Variants in ZBBX observed in about 807,000 individuals in gnomAD.
ZBBX encodes zinc finger B-box domain-containing protein 1.
ZBBX carries 101 observed loss-of-function variants against 108.5 expected under a neutral mutation model. That is an observed-to-expected ratio of 0.93 (90% confidence interval 0.79 to 1.10). The LOEUF (loss-of-function observed/expected upper bound fraction) is 1.10, where lower values mean the gene tolerates loss of function less well. ZBBX is among the 50% of genes least tolerant of loss of function. The pLI, the probability that ZBBX is intolerant of heterozygous loss-of-function variation, is 0.00. For missense variants in ZBBX, 1,009 were observed against 941.4 expected, an observed-to-expected ratio of 1.07 and a Z score of -0.94; for synonymous variants, 356 against 323.4, an observed-to-expected ratio of 1.10 and a Z score of -1.08.
At chr3:167,251,925 A>AACACAC (rs3221849) in intron 20 of ZBBX, among the ~76,000 whole-genome samples, 11,700 of 143,680 alleles carry the variant, frequency 0.081, 471 homozygotes, top group Admixed American at 0.098. Flanking sequence ...TTGTGCCTGC[A>AACACAC]ACACACACAC....
intron 17 of ZBBX, among the ~76,000 whole-genome samples, chr3:167,303,077 G>A (rs1733001520): frequency 6.6e-6 from 1 of 151,948 alleles, no homozygotes. Context: ...CAAAAGATGT[G>A]CAAAAAAACA....
At chr3:167,315,903 G>T in intron 14 of ZBBX, 74 bp from the exon 15 acceptor site, 1 of 867,208 alleles carries the variant, frequency 1.2e-6, no homozygotes, top group Non-Finnish European at 1.8e-6. Flanking sequence ...TTACTTATGG[G>T]TGATATTTGG....
the ZBBX span, among the ~76,000 whole-genome samples, chr3:167,186,613 C>T: frequency 2.6e-5 from 4 of 152,228 alleles, no homozygotes; most frequent in Admixed American, 6.5e-5. Flanking sequence ...TCCTTTGCTT[C>T]AGAAGGACAT....
intron 11 of ZBBX, among the ~76,000 whole-genome samples, chr3:167,324,645 T>G (rs552571969): frequency 3.9e-5 from 6 of 152,274 alleles, no homozygotes; most frequent in Admixed American, 3.9e-4. Context: ...CTACTCCTCC[T>G]TGACCCTTAC....
At chr3:167,330,945 T>TCTCTCTCTCTCTCTC (rs1738465561) in intron 10 of ZBBX, among the ~76,000 whole-genome samples, 1 of 87,170 alleles carries the variant, frequency 1.1e-5, no homozygotes, top group Non-Finnish European at 2.2e-5. Flanking sequence ...CTCTCTTTCT[T>TCTCTCTCTCTCTCTC]TCTCTCTCTC....
the ZBBX span, among the ~76,000 whole-genome samples, chr3:167,226,391 T>A: frequency 6.6e-6 from 1 of 151,752 alleles, no homozygotes; most frequent in Non-Finnish European, 1.5e-5. Context: ...TGACATGCTG[T>A]CCCTCCCCTT....
At chr3:167,337,166 C>G (rs541884378) in intron 9 of ZBBX, among the ~76,000 whole-genome samples, 1 of 152,058 alleles carries the variant, frequency 6.6e-6, no homozygotes, top group Non-Finnish European at 1.5e-5. Context: ...ATTCGAAGTT[C>G]ATTTATTGCC....
chr3:167,393,884 C>T (rs952926162), intron 1 of ZBBX, among the ~76,000 whole-genome samples: 3 of 151,766 alleles, frequency 2.0e-5, no homozygotes, highest in Admixed American at 6.6e-5. Flanking sequence ...ACATGTTTCA[C>T]ATTTTATATC....
rs142556729 is a variant in ZBBX, at chr3:167,300,231, T to C, written c.1726-1773A>G. Among the ~76,000 whole-genome samples, 576 of 152,252 alleles carry C rather than the reference T, an allele frequency of 3.8e-3. 5 individuals carry two copies. Among genetic ancestry groups the C allele is most frequent in the African/African-American group, 0.013 (542 of 41,560 alleles). On this transcript the variant is annotated intron_variant, in intron 17 of 21. Transcript: ENST00000675490. ...TAGTTTGTTGAGAATTCTTTTAAAATCCTATGACAGATTATTCCTGAAAAA... is the reference window on the plus strand; with the variant it reads ...TAGTTTGTTGAGAATTCTTTTAAAACCCTATGACAGATTATTCCTGAAAAA...
At chr3:167,317,785 T>C (rs1205681328) in intron 12 of ZBBX, among the ~76,000 whole-genome samples, 188 bp from the exon 13 acceptor site, 1 of 151,998 alleles carries the variant, frequency 6.6e-6, no homozygotes, top group African/African-American at 2.4e-5. Context: ...AAAAACTGTG[T>C]AAATCAACTT....
At position 167,245,199 on chromosome 3, in the gene ZBBX, G is replaced by A. The variant is rs183692774; in HGVS notation, c.2255-2556C>T. 1.0e-3 allele frequency among the ~76,000 whole-genome samples: 153 copies of A among 152,182 alleles called. 1 individual carries two copies. In the Middle Eastern group the frequency reaches 0.031, roughly 30 times the overall value. On this transcript the variant is annotated intron_variant, in intron 20 of 21. Transcript: ENST00000675490. ...GAGGCCGAGGCGGGCGGATCACGAG[G>A]TCAGGAGATCAAGACCATCCTGGCC...
rs148753923 is a variant in ZBBX, at chr3:167,336,360, A to G, written c.529-2375T>C. 8.7e-3 allele frequency among the ~76,000 whole-genome samples: 1,319 copies of G among 152,226 alleles called. 21 individuals carry two copies. The highest frequency in any genetic ancestry group is 0.03 in the African/African-American group (1,244 of 41,564). On this transcript the variant is annotated intron_variant, in intron 9 of 21. Coordinates refer to ENST00000675490, the MANE Select transcript of ZBBX (RefSeq NM_001199201.2). The stretch of plus-strand genomic sequence containing the variant: ...TATCTTAAAGTTCTGCTACTTTAGT[A>G]CATAAATGAAATCAATACAATGCAA...
intron 18 of ZBBX, among the ~76,000 whole-genome samples, chr3:167,292,934 A>G (rs137926864): frequency 0.05 from 7,682 of 152,264 alleles, 526 homozygotes; most frequent in African/African-American, 0.15. Context: ...CTATGCAAAT[A>G]AAGTAGAAAA....
intron 18 of ZBBX, among the ~76,000 whole-genome samples, chr3:167,292,877 G>A (rs570868306): frequency 6.6e-5 from 10 of 152,134 alleles, no homozygotes; most frequent in East Asian, 1.9e-4. Flanking sequence ...TATCACCACC[G>A]ATCCCACAGA....
intron 17 of ZBBX, among the ~76,000 whole-genome samples, chr3:167,299,657 C>T (rs1267731665): frequency 2.0e-5 from 3 of 152,016 alleles, no homozygotes; most frequent in East Asian, 1.9e-4. Context: ...TACTTAATTC[C>T]GTAGGAAGTA....
chr3:167,192,750 TAA>T, the ZBBX span, among the ~76,000 whole-genome samples: 1 of 152,200 alleles, frequency 6.6e-6, no homozygotes, highest in African/African-American at 2.4e-5. Context: ...TTTCTGCTGT[TAA>T]GAGCCTCTAT....
chr3:167,262,926 A>G (rs1367172789), intron 20 of ZBBX, among the ~76,000 whole-genome samples: 35 of 150,396 alleles, frequency 2.3e-4, no homozygotes, highest in Non-Finnish European at 1.2e-4. Flanking sequence ...TGTTTCATTG[A>G]TCTTTTGTGT....
chr3:167,236,732 G>T (rs1720244881), downstream of ZBBX, among the ~76,000 whole-genome samples: 1 of 151,688 alleles, frequency 6.6e-6, no homozygotes. Context: ...TTCTGAGCGA[G>T]GCATCTGCTG....
the ZBBX span, among the ~76,000 whole-genome samples, chr3:167,224,660 G>A: frequency 6.6e-6 from 1 of 152,002 alleles, no homozygotes; most frequent in East Asian, 1.9e-4. Context: ...CATTAAAATG[G>A]TGAGAGTGGG....
Sources: allele counts gnomAD v4.1 joint callset (sites outside exome capture counted in the v4.1 genomes callset), GRCh38; gene constraint gnomAD v4.1.1; transcripts MANE v1.5; gene names NCBI Gene and HGNC (gene_info 2026-07-23, HGNC 2026-07-21).